Variants in ALKBH5 observed in about 807,000 individuals in gnomAD.
ALKBH5 encodes the protein alkB homolog 5, RNA demethylase.
Under a neutral mutation model 32.1 loss-of-function variants are expected in ALKBH5, and 2 were observed. The ratio of observed to expected loss-of-function variants is 0.06; its 90% CI spans 0.03 to 0.20. ALKBH5 has a LOEUF of 0.20. ALKBH5 is among the 10% of genes least tolerant of loss of function. ALKBH5 has a pLI of 1.00. For synonymous variants in ALKBH5, 300 were observed against 231.7 expected (o/e 1.29, Z -2.68); for missense variants, 352 against 559.5 (o/e 0.63, Z 3.74).
intron 1 of ALKBH5, among the ~76,000 whole-genome samples, chr17:18,191,896 C>T (rs1009825876): frequency 6.6e-6 from 1 of 150,396 alleles, no homozygotes; most frequent in Non-Finnish European, 1.5e-5. Flanking sequence ...TTACAGTGAG[C>T]CAAGATCATG....
At chr17:18,194,893 C>G in intron 1 of ALKBH5, 62 bp from the exon 2 acceptor site, 1 of 1,449,058 alleles carries the variant, frequency 6.9e-7, no homozygotes, top group East Asian at 2.3e-5. Context: ...CCTGTTATAT[C>G]CCCCAGGAAC....
At chr17:18,192,520 A>G (rs187955093) in intron 1 of ALKBH5, among the ~76,000 whole-genome samples, 17 of 152,364 alleles carry the variant, frequency 1.1e-4, no homozygotes, top group Admixed American at 1.1e-3. Flanking sequence ...TGAATACCCA[A>G]GAACCTACTG....
intron 1 of ALKBH5, among the ~76,000 whole-genome samples, chr17:18,188,349 G>T (rs560135136): frequency 6.6e-6 from 1 of 152,228 alleles, no homozygotes; most frequent in Non-Finnish European, 1.5e-5. Context: ...TAGGCCAGCC[G>T]TCTGGAAATG....
At chr17:18,191,369 TG>T (rs2047173642) in intron 1 of ALKBH5, among the ~76,000 whole-genome samples, 1 of 152,180 alleles carries the variant, frequency 6.6e-6, no homozygotes, top group South Asian at 2.1e-4. Context: ...AAGTCATTTT[TG>T]TGGGCCTGTG....
chr17:18,187,067 A>G (rs1235199904), intron 1 of ALKBH5, among the ~76,000 whole-genome samples: 1 of 152,114 alleles, frequency 6.6e-6, no homozygotes, highest in Admixed American at 6.5e-5. Flanking sequence ...GGAGCCTGAA[A>G]CATGACAGTT....
chr17:18,184,400 G>A lies in ALKBH5; in HGVS notation c.157G>A (p.Val53Met), dbSNP rs1199380758. Reference protein sequence around the residue: ...AAAAAAEPYPVSGAKRKYQED... With the variant: ...AAAAAAEPYPMSGAKRKYQED... The stretch of plus-strand genomic sequence containing the variant: ...CGCCGCTGCCGCCGAACCTTACCCT[G>A]TGTCCGGGGCCAAGCGCAAGTATCA... Residue 53 changes from valine (V) to methionine (M), a missense_variant, in exon 1 of 4, where the codon GTG becomes ATG. Physicochemically the swap from Val to Met is conservative, Grantham distance 21. Coordinates refer to ENST00000399138, the MANE Select transcript of ALKBH5 (RefSeq NM_017758.4). The A allele has an allele frequency of 1.3e-6, 2 of 1,564,270 alleles. No individual in the cohort carries two copies. Among genetic ancestry groups the A allele is most frequent in the Non-Finnish European group, 1.7e-6 (2 of 1,155,354 alleles).
intron 2 of ALKBH5, among the ~76,000 whole-genome samples, chr17:18,200,745 A>G (rs1186617958): frequency 6.6e-6 from 1 of 152,198 alleles, no homozygotes; most frequent in South Asian, 2.1e-4. Flanking sequence ...GCCAGCATAG[A>G]ATGAGGCTCA....
chr17:18,207,397 T>C (rs1056435682), intron 3 of ALKBH5, among the ~76,000 whole-genome samples: 9 of 152,222 alleles, frequency 5.9e-5, no homozygotes, highest in Middle Eastern at 3.2e-3. Flanking sequence ...GCACAGTGGC[T>C]CACGCCTGTA....
chr17:18,183,944 G>T lies in ALKBH5; in HGVS notation c.-300G>T, dbSNP rs1485031398. 12 of 592,670 alleles carry T rather than the reference G, an allele frequency of 2.0e-5. No individual in the cohort carries two copies. The highest frequency in any genetic ancestry group is 3.8e-5 in the Non-Finnish European group (12 of 319,406). 36.7% of individuals were successfully genotyped at this position (592,670 alleles called of 1,614,324 possible). Reference sequence around the variant, plus strand: ...GTCCGAGGGTCTGGTCGGGAGTCGGGCCGCGTCTCCGCAGCAGCCCTCCGC... The same window carrying T: ...GTCCGAGGGTCTGGTCGGGAGTCGGTCCGCGTCTCCGCAGCAGCCCTCCGC... On this transcript the variant is annotated 5_prime_UTR_variant, in exon 1 of 4. Coordinates refer to ENST00000399138, the MANE Select transcript of ALKBH5 (RefSeq NM_017758.4).
chr17:18,203,550 C>T (rs1280865698), intron 2 of ALKBH5, among the ~76,000 whole-genome samples: 2 of 152,236 alleles, frequency 1.3e-5, no homozygotes, highest in Non-Finnish European at 2.9e-5. Context: ...ACTGACTCAT[C>T]TGTAAGGCAG....
chr17:18,199,635 G>A (rs1246936615), intron 2 of ALKBH5, among the ~76,000 whole-genome samples: 1 of 152,160 alleles, frequency 6.6e-6, no homozygotes. Context: ...TGACTTGAGG[G>A]AAACATCAAG....
chr17:18,184,159 CG>C lies in ALKBH5; in HGVS notation c.-80del. On this transcript the variant is annotated 5_prime_UTR_variant, in exon 1 of 4. Transcript: ENST00000399138. ...TCGGCGCTAAGGACCCCCCTCCCTC[CG>C]GGGGCCCCGGGGCGCGTCCCCTTAG... 1.6e-6 allele frequency: 2 copies of C among 1,253,384 alleles called. No individual in the cohort carries two copies. The highest frequency in any genetic ancestry group is 1.5e-5 in the South Asian group (1 of 68,838). 77.6% of individuals were successfully genotyped at this position (1,253,384 alleles called of 1,614,324 possible). A position where few individuals can be genotyped will look rare whatever the true frequency, so the allele number is the denominator to read the frequency against.
intron 2 of ALKBH5, among the ~76,000 whole-genome samples, chr17:18,203,513 C>G (rs368921607): frequency 3.3e-5 from 5 of 152,210 alleles, no homozygotes; most frequent in African/African-American, 9.7e-5. Context: ...GTCACATGCC[C>G]GAGGTGCTTT....
chr17:18,187,140 A>C (rs920034897), intron 1 of ALKBH5, among the ~76,000 whole-genome samples: 2 of 152,090 alleles, frequency 1.3e-5, no homozygotes, highest in African/African-American at 4.8e-5. Context: ...TAGCCCAGGA[A>C]GGTAACTGCA....
At chr17:18,193,019 TG>T (rs2047186343) in intron 1 of ALKBH5, among the ~76,000 whole-genome samples, 1 of 151,954 alleles carries the variant, frequency 6.6e-6, no homozygotes, top group Non-Finnish European at 1.5e-5. Context: ...CCATCATGCC[TG>T]GCTTATTTTT....
At chr17:18,200,177 C>G (rs1388479339) in intron 2 of ALKBH5, among the ~76,000 whole-genome samples, 1 of 149,244 alleles carries the variant, frequency 6.7e-6, no homozygotes, top group African/African-American at 2.5e-5. Context: ...CTTGGTAGAT[C>G]TGGCCCCTGA....
Position 18,184,225 on chromosome 17 carries a change from G to C in ALKBH5, c.-19G>C. The C allele has an allele frequency of 6.7e-7, 1 of 1,500,354 alleles. No individual in the cohort carries two copies. Among genetic ancestry groups the C allele is most frequent in the Non-Finnish European group, 8.8e-7 (1 of 1,132,302 alleles). The allele number at this position is 1,500,354 out of a possible 1,614,324, so 92.9% of individuals were successfully genotyped here. A position where few individuals can be genotyped will look rare whatever the true frequency, so the allele number is the denominator to read the frequency against. On this transcript the variant is annotated 5_prime_UTR_variant, in exon 1 of 4. An upstream open reading frame in the 5' UTR loses its in-frame stop. Transcript: ENST00000399138. The stretch of plus-strand genomic sequence containing the variant: ...GCCCCGCCCGCCCCGGAGGACCCTA[G>C]AGCAGCGTCGTGGGGGCCATGGCGG...
intron 1 of ALKBH5, among the ~76,000 whole-genome samples, chr17:18,185,988 A>G (rs966851100): frequency 2.6e-5 from 4 of 152,220 alleles, no homozygotes; most frequent in African/African-American, 9.6e-5. Context: ...TTGAGGACAC[A>G]CTGGGCTTTT....
At chr17:18,198,865 A>G (rs991821059) in intron 2 of ALKBH5, among the ~76,000 whole-genome samples, 3 of 152,186 alleles carry the variant, frequency 2.0e-5, no homozygotes, top group African/African-American at 4.8e-5. Flanking sequence ...AAGTCTCCCC[A>G]GAGTGGAATC....
Sources: gnomAD v4.1 joint callset for allele counts (sites outside exome capture counted in the v4.1 genomes callset) on GRCh38, gnomAD v4.1.1 for gene constraint, MANE v1.5 for transcripts, NCBI Gene and HGNC (gene_info 2026-07-23, HGNC 2026-07-21) for gene names.